Variants in CTNNA2 observed in about 807,000 individuals in gnomAD.
The protein encoded by CTNNA2 is catenin alpha-2.
CTNNA2 carries 42 observed loss-of-function variants against 101.0 expected under a neutral mutation model. The ratio of observed to expected loss-of-function variants is 0.42; its 90% confidence interval spans 0.32 to 0.54. The LOEUF is 0.54. CTNNA2 is among the 20% of genes least tolerant of loss of function. CTNNA2 has a pLI of 0.14. For synonymous variants in CTNNA2, 450 were observed against 456.4 expected (o/e 0.99, Z 0.18); for missense variants, 871 against 1,223.1 (o/e 0.71, Z 4.29).
Position 80,261,106 on chromosome 2 carries a change from T to A in CTNNA2, c.1057-132105T>A, listed in dbSNP as rs550738417. Among the ~76,000 whole-genome samples the A allele has an allele frequency of 1.4e-4, 21 of 152,296 alleles. No individual in the cohort carries two copies. In the South Asian group the frequency reaches 3.7e-3, roughly 27 times the overall value. On this transcript the variant is annotated intron_variant, in intron 7 of 18. Coordinates refer to ENST00000402739, the MANE Select transcript of CTNNA2 (RefSeq NM_001282597.3). Reference sequence around the variant, plus strand: ...GATCCTTGGTTGAATTGCTTGACTTTAGGTAAATTGTTCAAAACAGCATGC... The same window carrying A: ...GATCCTTGGTTGAATTGCTTGACTTAAGGTAAATTGTTCAAAACAGCATGC...
chr2:79,992,033 G>A (rs369048689), intron 7 of CTNNA2, among the ~76,000 whole-genome samples: 5 of 152,050 alleles, frequency 3.3e-5, no homozygotes, highest in East Asian at 3.9e-4. Context: ...TATCAGTGAC[G>A]GATATTGATA....
chr2:80,418,724 A>G lies in CTNNA2; in HGVS notation c.1138-725A>G, dbSNP rs1313318442. On this transcript the variant is annotated intron_variant, in intron 8 of 18. Coordinates refer to ENST00000402739, the MANE Select transcript of CTNNA2 (RefSeq NM_001282597.3). ...ATGTATATCCCATATACATTCAGATAATTATGAACAAAACAGCACCAAGGT... is the reference window on the plus strand; with the variant it reads ...ATGTATATCCCATATACATTCAGATGATTATGAACAAAACAGCACCAAGGT... Among the ~76,000 whole-genome samples the G allele has an allele frequency of 2.9e-4, 44 of 152,158 alleles. 1 individual carries two copies. The highest frequency in any genetic ancestry group is 2.9e-3 in the Admixed American group (44 of 15,270).
chr2:80,356,657 T>C (rs1673837608), intron 7 of CTNNA2, among the ~76,000 whole-genome samples: 2 of 152,024 alleles, frequency 1.3e-5, no homozygotes, highest in Admixed American at 1.3e-4. Flanking sequence ...ATGGAAACAG[T>C]AACTAAAATG....
intron 7 of CTNNA2, among the ~76,000 whole-genome samples, chr2:80,234,086 G>A (rs573790062): frequency 2.5e-4 from 37 of 150,944 alleles, no homozygotes; most frequent in African/African-American, 5.6e-4. Context: ...TCACTCTGTC[G>A]CCCAGGCTGG....
intron 7 of CTNNA2, among the ~76,000 whole-genome samples, chr2:80,182,293 C>T (rs980557720): frequency 1.8e-4 from 27 of 152,172 alleles, no homozygotes; most frequent in African/African-American, 6.3e-4. Flanking sequence ...AGGAAGCATC[C>T]AGCTCAAGAG....
intron 1 of CTNNA2, among the ~76,000 whole-genome samples, chr2:79,555,359 G>A (rs1674378295): frequency 6.6e-6 from 1 of 152,104 alleles, no homozygotes; most frequent in Non-Finnish European, 1.5e-5. Flanking sequence ...GGGAGGGAAA[G>A]GTGAGAGTGA....
At chr2:80,427,729 G>T (rs1291853934) in intron 9 of CTNNA2, among the ~76,000 whole-genome samples, 1 of 152,212 alleles carries the variant, frequency 6.6e-6, no homozygotes, top group Non-Finnish European at 1.5e-5. Flanking sequence ...CATCAGTTCA[G>T]CACCAGAGTG....
chr2:79,860,559 T>TTTTTTTTTTTTTG (rs1438845571), intron 4 of CTNNA2, among the ~76,000 whole-genome samples: 1 of 150,372 alleles, frequency 6.7e-6, no homozygotes. Context: ...TTTTTTTTTT[T>TTTTTTTTTTTTTG]TTTTTTAACG....
chr2:79,263,698 C>T (rs566967105), intron 2 of CTNNA2, among the ~76,000 whole-genome samples: 2 of 152,204 alleles, frequency 1.3e-5, no homozygotes, highest in African/African-American at 4.8e-5. Context: ...ACTTCATTAC[C>T]ACAAGAGTGG....
intron 18 of CTNNA2, among the ~76,000 whole-genome samples, chr2:80,644,893 G>C (rs1673899096): frequency 6.6e-6 from 1 of 152,084 alleles, no homozygotes; most frequent in South Asian, 2.1e-4. Context: ...CATCAGGTTT[G>C]AAAGGCAAAG....
intron 18 of CTNNA2, among the ~76,000 whole-genome samples, chr2:80,628,882 C>G (rs1441514503): frequency 6.6e-6 from 1 of 152,078 alleles, no homozygotes; most frequent in Non-Finnish European, 1.5e-5. Context: ...GGGTGCAGTT[C>G]TTGCAAGTGT....
At chr2:79,603,872 A>T (rs976904391) in intron 1 of CTNNA2, among the ~76,000 whole-genome samples, 8 of 152,140 alleles carry the variant, frequency 5.3e-5, no homozygotes, top group Non-Finnish European at 1.2e-4. Flanking sequence ...TGAGCCAGGG[A>T]GCTGGGCTTT....
At chr2:80,022,438 C>A (rs771315941) in intron 7 of CTNNA2, among the ~76,000 whole-genome samples, 1 of 152,058 alleles carries the variant, frequency 6.6e-6, no homozygotes, top group South Asian at 2.1e-4. Context: ...GGTGGGAAAG[C>A]GTTTGATCTG....
intron 3 of CTNNA2, among the ~76,000 whole-genome samples, chr2:79,345,766 C>T (rs1558637963): frequency 6.6e-6 from 1 of 151,938 alleles, no homozygotes. Flanking sequence ...AGTTTCGACT[C>T]ACTGCAACCT....
intron 11 of CTNNA2, among the ~76,000 whole-genome samples, chr2:80,552,748 CA>C (rs1490785462): frequency 2.0e-5 from 3 of 151,966 alleles, no homozygotes; most frequent in African/African-American, 7.3e-5. Context: ...ATACTGTAAG[CA>C]ATTGGAATAC....
chr2:79,355,581 C>A (rs2104442376), intron 3 of CTNNA2, among the ~76,000 whole-genome samples: 1 of 152,274 alleles, frequency 6.6e-6, no homozygotes, highest in African/African-American at 2.4e-5. Context: ...AGACCCAGTA[C>A]AGACTAAACC....
At chr2:80,179,031 C>T (rs374009085) in intron 7 of CTNNA2, among the ~76,000 whole-genome samples, 1 of 152,202 alleles carries the variant, frequency 6.6e-6, no homozygotes, top group African/African-American at 2.4e-5. Flanking sequence ...TGAACAAGAT[C>T]ATGATACAAT....
intron 7 of CTNNA2, among the ~76,000 whole-genome samples, chr2:80,067,330 A>G (rs1286145673): frequency 1.3e-5 from 2 of 151,876 alleles, no homozygotes; most frequent in Non-Finnish European, 2.9e-5. Context: ...CATGTTTTAT[A>G]TATATTTCAA....
intron 2 of CTNNA2, among the ~76,000 whole-genome samples, chr2:79,256,027 A>G (rs892133633): frequency 7.7e-4 from 117 of 152,170 alleles, no homozygotes; most frequent in Non-Finnish European, 1.2e-4. Context: ...AATGAAGATA[A>G]AACTCACAAT....
Sources: gnomAD v4.1 joint callset for allele counts (sites outside exome capture counted in the v4.1 genomes callset) on GRCh38, gnomAD v4.1.1 for gene constraint, MANE v1.5 for transcripts, NCBI Gene and HGNC (gene_info 2026-07-23, HGNC 2026-07-21) for gene names.